Variants in AKAP9 observed in about 807,000 individuals in gnomAD.
AKAP9 encodes the protein A-kinase anchoring protein 9, also known as A-kinase anchor protein 9.
In AKAP9, 311 loss-of-function variants were observed where a neutral mutation model predicts 488.5. The observed-to-expected ratio is 0.64, with a 90% CI of 0.58 to 0.70. The LOEUF (loss-of-function observed/expected upper bound fraction) is 0.70, where lower values mean the gene tolerates loss of function less well. Among genes scored for constraint, AKAP9 ranks in the 30% least tolerant of loss-of-function variants. The probability of loss-of-function intolerance (pLI) is 0.00; values close to 1 mark genes in which losing one functional copy is unlikely to be tolerated. For synonymous variants in AKAP9, 1,462 were observed against 1,483.5 expected (o/e 0.99, Z 0.33); for missense variants, 4,215 against 4,374.5 (o/e 0.96, Z 1.03).
chr7:91,942,286 T>G (rs1008985408), intron 1 of AKAP9, among the ~76,000 whole-genome samples: 1 of 152,194 alleles, frequency 6.6e-6, no homozygotes, highest in East Asian at 1.9e-4. Context: ...TGATAGAAGC[T>G]CAACACAAGT....
At position 92,079,349 on chromosome 7, in the gene AKAP9, A is replaced by G. The variant is rs757708823; in HGVS notation, c.7216A>G (p.Asn2406Asp). ...LALEQQVETA[N>D]EEMTFMKNVL... The stretch of plus-strand genomic sequence containing the variant: ...CTTGGAACAGCAAGTAGAAACCGCT[A>G]ATGAAGAAATGACCTTCATGAAAAA... The change falls in exon 31 of 50, where the codon AAT (asparagine) becomes GAT (aspartate). Residue 2406 changes from asparagine (N) to aspartate (D), a missense_variant. Asn to Asp is a conservative substitution (Grantham distance 23, BLOSUM62 1). This residue lies in a region of AKAP9 where 1,476 missense variants were observed against 1,477.4 expected (regional missense o/e 1.00). Transcript: ENST00000356239. 1 of 1,614,056 alleles carries G rather than the reference A, an allele frequency of 6.2e-7. No individual in the cohort carries two copies. Among genetic ancestry groups the G allele is most frequent in the South Asian group, 1.1e-5 (1 of 91,082 alleles).
At chr7:91,975,345 C>G (rs1246442815) in intron 2 of AKAP9, among the ~76,000 whole-genome samples, 1 of 152,062 alleles carries the variant, frequency 6.6e-6, no homozygotes, top group Non-Finnish European at 1.5e-5. Context: ...TATTTTATTT[C>G]TAAGCATTTT....
At chr7:92,054,106 C>T (rs1008977502) in intron 22 of AKAP9, among the ~76,000 whole-genome samples, 14 of 152,042 alleles carry the variant, frequency 9.2e-5, no homozygotes, top group African/African-American at 3.1e-4. Flanking sequence ...TTTTTAAAAA[C>T]TTTCTTTTAA....
At chr7:92,092,082 C>G (rs188815850) in intron 38 of AKAP9, 1 of 152,242 alleles carries the variant, frequency 6.6e-6, no homozygotes, top group African/African-American at 2.4e-5. Context: ...TACCTAACAC[C>G]TGGGTAAATA....
chr7:92,093,840 AT>A (rs754636705), intron 39 of AKAP9, among the ~76,000 whole-genome samples: 43 of 151,838 alleles, frequency 2.8e-4, no homozygotes, highest in Admixed American at 4.6e-4. Flanking sequence ...TTATTTATTT[AT>A]TTTATTTTAT....
chr7:92,062,345 G>A lies in AKAP9; in HGVS notation c.5836G>A (p.Asp1946Asn). Residue 1946 changes from aspartate to asparagine, a missense_variant, in exon 24 of 50, where the codon GAT becomes AAT. Asp to Asn is a conservative substitution (Grantham distance 23). Transcript: ENST00000356239. ...AATTCAGGAAAAAACTGATATAATA[G>A]ATCGTCTTGAGCAGGAGTTGTTATG... ...RQIQEKTDII[D>N]RLEQELLCAS... 1 of 1,613,852 alleles carries A rather than the reference G, an allele frequency of 6.2e-7. No individual in the cohort carries two copies. Among genetic ancestry groups the A allele is most frequent in the Non-Finnish European group, 8.5e-7 (1 of 1,179,816 alleles).
chr7:91,969,679 A>G (rs531186485), intron 1 of AKAP9, among the ~76,000 whole-genome samples: 4 of 152,210 alleles, frequency 2.6e-5, no homozygotes, highest in Admixed American at 1.3e-4. Flanking sequence ...GTCTCTTTTT[A>G]TAGTCTTGAC....
In AKAP9 at chr7:92,095,033, A is replaced by T; in HGVS notation, c.9589A>T (p.Lys3197Ter). 1.2e-6 allele frequency: 2 copies of T among 1,614,026 alleles called. No homozygotes were observed. Among genetic ancestry groups the T allele is most frequent in the Non-Finnish European group, 1.7e-6 (2 of 1,179,868 alleles). The change falls in exon 40 of 50, where the codon AAA (lysine) becomes TAA (stop). Residue 3197 changes from lysine to a stop codon, truncating the protein, a stop_gained. Coordinates refer to ENST00000356239, the MANE Select transcript of AKAP9 (RefSeq NM_005751.5). LOFTEE classifies it high-confidence loss of function. ...GTCTTTCTGACTTAGGTTGGAAGTT[A>T]AAGATAAGACAGATGAAGTACATTT... ...KELEAFRLEVKDKTDEVHLLN... is the reference protein window; with the variant it reads ...KELEAFRLEV
At chr7:92,102,188 AATAAATAAATAAATAG>A (rs1817645213) in intron 45 of AKAP9, among the ~76,000 whole-genome samples, 3 of 149,778 alleles carry the variant, frequency 2.0e-5, no homozygotes, top group Admixed American at 2.0e-4. Context: ...TAAATAAATA[AATAAATAAATAAATAG>A]ATAGATTAGT....
rs118120086 is a variant in AKAP9, at chr7:91,981,894, G to A, written c.351+1561G>A. On this transcript the variant is annotated intron_variant, in intron 3 of 49. Coordinates refer to ENST00000356239, the MANE Select transcript of AKAP9 (RefSeq NM_005751.5). Reference sequence around the variant, plus strand: ...GCTGGGATTACAGGTGTAAGCCACCGCACCTGGCTATAGCTTGTATTTCTT... The same window carrying A: ...GCTGGGATTACAGGTGTAAGCCACCACACCTGGCTATAGCTTGTATTTCTT... 4.9e-3 allele frequency among the ~76,000 whole-genome samples: 745 copies of A among 152,158 alleles called. 4 individuals carry two copies. The highest frequency in any genetic ancestry group is 8.2e-3 in the Non-Finnish European group (555 of 67,980).
intron 1 of AKAP9, among the ~76,000 whole-genome samples, chr7:91,949,353 G>A (rs1384351918): frequency 6.6e-6 from 1 of 152,164 alleles, no homozygotes; most frequent in Non-Finnish European, 1.5e-5. Flanking sequence ...GTTGATAACA[G>A]CATGATGCTG....
chr7:92,032,912 T>C (rs2130760989), intron 16 of AKAP9, among the ~76,000 whole-genome samples: 1 of 152,318 alleles, frequency 6.6e-6, no homozygotes, highest in Admixed American at 6.5e-5. Context: ...ATCCTTTAAA[T>C]TCTTGTTCTT....
chr7:92,102,726 G>A lies in AKAP9; in HGVS notation c.11230G>A (p.Gly3744Arg), dbSNP rs200327385. ...DATLALLARM[G>R]GQPAFTDLEV... ...CACCTTGGCCCTGCTTGCCCGGATG[G>A]GGGGGCAGCCAGCTTTCACGGATCT... is the stretch of plus-strand genomic sequence containing the variant. The change falls in exon 46 of 50, where the codon GGG becomes AGG. Residue 3744 changes from glycine (G) to arginine (R), a missense_variant. By Grantham distance (125) the Gly-to-Arg change is moderately radical (BLOSUM62 -2). Around this residue, in one of 5 missense-constraint regions of AKAP9, gnomAD observed 253 missense variants for 266.8 expected, o/e 0.95. Transcript: ENST00000356239. The A allele has an allele frequency of 2.5e-6, 4 of 1,614,200 alleles. No individual in the cohort carries two copies. The highest frequency in any genetic ancestry group is 2.5e-6 in the Non-Finnish European group (3 of 1,180,024).
chr7:91,944,901 C>G (rs1309343726), intron 1 of AKAP9, among the ~76,000 whole-genome samples: 2 of 152,208 alleles, frequency 1.3e-5, no homozygotes, highest in African/African-American at 4.8e-5. Context: ...GATTTCCTTT[C>G]TGTTTTTGTT....
chr7:91,995,761 A>C lies in AKAP9; in HGVS notation c.891A>C (p.Gln297His). The C allele has an allele frequency of 6.2e-7, 1 of 1,612,394 alleles. No individual in the cohort carries two copies. The highest frequency in any genetic ancestry group is 1.3e-5 in the African/African-American group (1 of 74,996). Residue 297 changes from glutamine to histidine, a missense_variant, in exon 7 of 50, where the codon CAA becomes CAC. By Grantham distance (24) the Gln-to-His change is conservative. Around this residue, in one of 5 missense-constraint regions of AKAP9, gnomAD observed 2,361 missense variants for 2,430.0 expected, o/e 0.97. Coordinates refer to ENST00000356239, the MANE Select transcript of AKAP9 (RefSeq NM_005751.5). Reference protein sequence around the residue: ...YQKKKEDFTMQISFLQEKIKV... With the variant: ...YQKKKEDFTMHISFLQEKIKV... The stretch of plus-strand genomic sequence containing the variant: ...AAAAGAAAGAAGACTTCACAATGCA[A>C]ATTAGTTTCTTGCAAGAGAAAATTA...
At chr7:92,081,162 T>C (rs527437786) in intron 31 of AKAP9, among the ~76,000 whole-genome samples, 4 of 152,262 alleles carry the variant, frequency 2.6e-5, no homozygotes, top group Admixed American at 1.3e-4. Flanking sequence ...GCTTCTAATA[T>C]GCATGTTATG....
At chr7:92,034,035 A>C (rs1002798390) in intron 16 of AKAP9, among the ~76,000 whole-genome samples, 3 of 152,152 alleles carry the variant, frequency 2.0e-5, no homozygotes, top group African/African-American at 7.2e-5. Context: ...ATGGGGAGTG[A>C]GATGGTGTTA....
At chr7:92,077,205 G>GC (rs1812755634) in intron 29 of AKAP9, among the ~76,000 whole-genome samples, 198 bp downstream of exon 29, 1 of 146,964 alleles carries the variant, frequency 6.8e-6, no homozygotes, top group Non-Finnish European at 1.5e-5. Context: ...AAGCAATTCT[G>GC]CCTCAGCCTC....
rs1584371553 is a variant in AKAP9 at position 92,061,127 on chromosome 7, C to T, written c.5602-133C>T. On this transcript the variant is annotated intron_variant, in intron 22 of 49. Coordinates refer to ENST00000356239, the MANE Select transcript of AKAP9 (RefSeq NM_005751.5). ...ACCTGCTAATCTTAGCATACACTGG[C>T]AATATCTAAATGACTACAATTCAGT... 7.8e-6 allele frequency: 8 copies of T among 1,029,370 alleles called. No homozygotes were observed. In the East Asian group the frequency reaches 1.1e-4, roughly 14 times the overall value. 63.8% of individuals were successfully genotyped at this position (1,029,370 alleles called of 1,614,324 possible).
Sources: gnomAD v4.1 joint callset for allele counts (sites outside exome capture counted in the v4.1 genomes callset) on GRCh38, gnomAD v4.1.1 for gene constraint, gnomAD v4.1.1 regional missense constraint, MANE v1.5 for transcripts, NCBI Gene and HGNC (gene_info 2026-07-23, HGNC 2026-07-21) for gene names.